Variants in KIF16B observed in about 807,000 individuals in gnomAD.
KIF16B encodes the protein kinesin family member 16B.
In KIF16B, 98 loss-of-function variants were observed where a neutral mutation model predicts 156.3. The ratio of observed to expected loss-of-function variants is 0.63; its 90% CI spans 0.53 to 0.74. The LOEUF is 0.74. Ranked by LOEUF, KIF16B falls within the 30% of genes least tolerant of loss-of-function variation. The probability of loss-of-function intolerance (pLI) is 0.00; values close to 1 mark genes in which losing one functional copy is unlikely to be tolerated. For synonymous variants in KIF16B, 564 were observed against 583.7 expected (o/e 0.97, Z 0.49); for missense variants, 1,421 against 1,606.5 (o/e 0.88, Z 1.97).
intron 25 of KIF16B, among the ~76,000 whole-genome samples, chr20:16,305,902 C>T (rs563899909): frequency 7.2e-5 from 11 of 152,172 alleles, no homozygotes; most frequent in South Asian, 6.2e-4. Flanking sequence ...TTTCTTTATC[C>T]ATTCACCCAT....
At chr20:16,315,968 T>C (rs1359525157) in intron 24 of KIF16B, among the ~76,000 whole-genome samples, 5 of 152,212 alleles carry the variant, frequency 3.3e-5, no homozygotes, top group Admixed American at 6.5e-5. Flanking sequence ...ATTAATATAA[T>C]GATATTTCCA....
At chr20:16,284,547 C>T (rs941118674) in intron 25 of KIF16B, among the ~76,000 whole-genome samples, 6 of 152,156 alleles carry the variant, frequency 3.9e-5, no homozygotes, top group Non-Finnish European at 5.9e-5. Context: ...ATCTCCGCTT[C>T]CTCTTCTGTT....
intron 24 of KIF16B, among the ~76,000 whole-genome samples, chr20:16,313,090 T>C (rs1294945423): frequency 2.0e-5 from 3 of 152,324 alleles, no homozygotes; most frequent in African/African-American, 7.2e-5. Flanking sequence ...ACAATAAGTT[T>C]TACTACAGAT....
chr20:16,383,797 T>C (rs1157365126), intron 17 of KIF16B, among the ~76,000 whole-genome samples: 1 of 152,230 alleles, frequency 6.6e-6, no homozygotes, highest in African/African-American at 2.4e-5. Context: ...TTTTATTTTC[T>C]GTGAACAAGA....
At position 16,379,022 on chromosome 20, in the gene KIF16B, A is replaced by G; in HGVS notation, c.2980T>C (p.Leu994=). ...CTCTGCTGCTTCTCTCTGGACTCCA[A>G]AATCTCCTTTTCCTTTTTCCTCACT... ...EKVRKKEKEI[L]ESREKQQREA... The change falls in exon 19 of 26, where the codon TTG becomes CTG. Residue 994 remains leucine (L), a synonymous_variant. Transcript: ENST00000354981. 6.2e-7 allele frequency: 1 copy of G among 1,612,122 alleles called. No homozygotes were observed. The highest frequency in any genetic ancestry group is 8.5e-7 in the Non-Finnish European group (1 of 1,179,076).
At chr20:16,400,909 T>G (rs1436792664) in intron 17 of KIF16B, among the ~76,000 whole-genome samples, 1 of 152,128 alleles carries the variant, frequency 6.6e-6, no homozygotes, top group African/African-American at 2.4e-5. Flanking sequence ...ACGAAACTGG[T>G]TGCACAGTAA....
At chr20:16,481,470 C>T (rs1245463777) in intron 12 of KIF16B, among the ~76,000 whole-genome samples, 4 of 152,100 alleles carry the variant, frequency 2.6e-5, no homozygotes, top group Non-Finnish European at 5.9e-5. Context: ...GGATTAAAGG[C>T]GTGAGCTACC....
intron 12 of KIF16B, among the ~76,000 whole-genome samples, chr20:16,458,518 T>G (rs1415846652): frequency 6.6e-6 from 1 of 152,228 alleles, no homozygotes; most frequent in Admixed American, 6.5e-5. Flanking sequence ...GTATGGGTAG[T>G]ATAAGCTGCA....
chr20:16,466,573 T>C (rs2146716744), intron 12 of KIF16B, among the ~76,000 whole-genome samples: 1 of 152,348 alleles, frequency 6.6e-6, no homozygotes, highest in South Asian at 2.1e-4. Context: ...TCTTGCCTGC[T>C]GCCATGTAAG....
intron 19 of KIF16B, among the ~76,000 whole-genome samples, chr20:16,376,888 C>A (rs929928895): frequency 1.3e-5 from 2 of 152,182 alleles, no homozygotes; most frequent in African/African-American, 4.8e-5. Flanking sequence ...ACATAACATA[C>A]CTGCAATCAT....
rs758327212 is a variant in KIF16B at position 16,406,397 on chromosome 20, C to T, written c.1672G>A (p.Ala558Thr). The T allele has an allele frequency of 6.8e-6, 11 of 1,613,398 alleles. No homozygotes were observed. The highest frequency in any genetic ancestry group is 4.0e-5 in the African/African-American group (3 of 74,840). ...MFRFNHPKEA[A>T]KLREKRKSGL... ...ACCTTCCTCTTCTCCCTGAGCTTGGCGGCTTCCTTTGGATGGTTAAAGCGA... is the reference window on the plus strand; with the variant it reads ...ACCTTCCTCTTCTCCCTGAGCTTGGTGGCTTCCTTTGGATGGTTAAAGCGA... The change falls in exon 16 of 26, where the codon GCC (alanine) becomes ACC (threonine). Residue 558 changes from alanine (A) to threonine (T), a missense_variant. Transcript: ENST00000354981.
chr20:16,478,352 G>A (rs1469300668), intron 12 of KIF16B, among the ~76,000 whole-genome samples: 1 of 152,192 alleles, frequency 6.6e-6, no homozygotes, highest in African/African-American at 2.4e-5. Context: ...TGCAGGGCAG[G>A]TGGGAATGCA....
At chr20:16,535,199 A>G (rs1164488920) in intron 1 of KIF16B, among the ~76,000 whole-genome samples, 1 of 152,168 alleles carries the variant, frequency 6.6e-6, no homozygotes, top group Non-Finnish European at 1.5e-5. Flanking sequence ...TTTTCCTTGA[A>G]GAGATCTTTC....
At chr20:16,357,060 T>G (rs891685456) in intron 22 of KIF16B, among the ~76,000 whole-genome samples, 2 of 152,166 alleles carry the variant, frequency 1.3e-5, no homozygotes, top group African/African-American at 4.8e-5. Flanking sequence ...ACTAGTGGGG[T>G]CTGAGGAAGA....
chr20:16,537,703 C>CTTTTTTTTTT (rs1568659703), intron 1 of KIF16B, among the ~76,000 whole-genome samples: 1 of 121,746 alleles, frequency 8.2e-6, no homozygotes, highest in Non-Finnish European at 1.7e-5. Context: ...TTCTTTTTTT[C>CTTTTTTTTTT]GTTTTTTTTT....
chr20:16,526,885 T>TA (rs1043257906), intron 2 of KIF16B, among the ~76,000 whole-genome samples: 2 of 152,170 alleles, frequency 1.3e-5, no homozygotes, highest in African/African-American at 4.8e-5. Context: ...TCACATATTA[T>TA]AAAAAAATTG....
Position 16,427,054 on chromosome 20 carries a change from G to C in KIF16B, c.1612+50C>G, listed in dbSNP as rs144418846. 393 of 1,484,498 alleles carry C rather than the reference G, an allele frequency of 2.6e-4. 6 individuals carry two copies. In the African/African-American group the frequency reaches 5.1e-3, roughly 19 times the overall value. 92.0% of individuals were successfully genotyped at this position (1,484,498 alleles called of 1,614,324 possible). A position where few individuals can be genotyped will look rare whatever the true frequency, so the allele number is the denominator to read the frequency against. ...TGTTCCCCCATTGCCTAGCCAACTTGTTTTCTCAAACAATATATACAAAGA... is the reference window on the plus strand; with the variant it reads ...TGTTCCCCCATTGCCTAGCCAACTTCTTTTCTCAAACAATATATACAAAGA... On this transcript the variant is annotated intron_variant, in intron 15 of 25. Coordinates refer to ENST00000354981, the MANE Select transcript of KIF16B (RefSeq NM_024704.5).
chr20:16,390,200 TA>T (rs1188947565), intron 17 of KIF16B, among the ~76,000 whole-genome samples: 4 of 152,322 alleles, frequency 2.6e-5, no homozygotes, highest in African/African-American at 9.6e-5. Context: ...AGGTACTCAC[TA>T]AAGACTTTCC....
In KIF16B at chr20:16,281,008, C is replaced by A. The variant is rs74914823; in HGVS notation, c.3796-7597G>T. Among the ~76,000 whole-genome samples, 467 of 152,210 alleles carry A rather than the reference C, an allele frequency of 3.1e-3. 2 individuals are homozygous for A. The highest frequency in any genetic ancestry group is 0.011 in the African/African-American group (443 of 41,540). On this transcript the variant is annotated intron_variant, in intron 25 of 25. Transcript: ENST00000354981. The stretch of plus-strand genomic sequence containing the variant: ...ACCATTTTATGTTATTAAAAAGTTT[C>A]TGTTTTAATAGGGCTCATGACTATA...
Sources: allele counts gnomAD v4.1 joint callset (sites outside exome capture counted in the v4.1 genomes callset), GRCh38; gene constraint gnomAD v4.1.1; transcripts MANE v1.5; gene names NCBI Gene and HGNC (gene_info 2026-07-23, HGNC 2026-07-21).